Variants in ADAP1 observed in about 807,000 individuals in gnomAD.
ADAP1 encodes ArfGAP with dual PH domains 1.
ADAP1 carries 31 observed loss-of-function variants against 54.9 expected under a neutral mutation model. That is an observed-to-expected ratio of 0.56 (90% CI 0.42 to 0.76). The LOEUF (loss-of-function observed/expected upper bound fraction) is 0.76, where lower values mean the gene tolerates loss of function less well. Ranked by LOEUF, ADAP1 falls within the 30% of genes least tolerant of loss-of-function variation. The probability of loss-of-function intolerance (pLI) is 0.00; values close to 1 mark genes in which losing one functional copy is unlikely to be tolerated. For missense variants in ADAP1, 535 were observed against 512.4 expected (o/e 1.04, Z -0.42); for synonymous variants, 313 against 202.6 (o/e 1.55, Z -4.63).
Position 921,695 on chromosome 7 carries a change from C to T in ADAP1, c.306-1645G>A, listed in dbSNP as rs532876027. ...CTTTTCGGGGGACACCGTGCAGCTG[C>T]CTGAGCCGCTCCGGCTGTGTGACCA... On this transcript the variant is annotated intron_variant, in intron 3 of 10. Transcript: ENST00000265846. Among the ~76,000 whole-genome samples the T allele has an allele frequency of 6.6e-5, 10 of 152,336 alleles. No individual in the cohort carries two copies. The South Asian group carries it at 2.1e-3, about 32-fold the overall frequency.
intron 4 of ADAP1, among the ~76,000 whole-genome samples, chr7:917,858 C>T (rs1845999125): frequency 6.6e-6 from 1 of 151,998 alleles, no homozygotes; most frequent in Non-Finnish European, 1.5e-5. Flanking sequence ...GCAGCCTCCG[C>T]CTCCCAGGCT....
At chr7:915,013 C>G (rs991089177) in intron 4 of ADAP1, among the ~76,000 whole-genome samples, 6 of 71,630 alleles carry the variant, frequency 8.4e-5, no homozygotes, top group Non-Finnish European at 1.1e-4. Flanking sequence ...TCCCTGCAGC[C>G]GGGGCTCTGG....
chr7:927,662 T>C (rs1004819003), intron 2 of ADAP1: 1 of 352,492 alleles, frequency 2.8e-6, no homozygotes, highest in Non-Finnish European at 5.6e-6. Context: ...GGCTTTTCCA[T>C]AGAAAACTCA....
At chr7:927,333 G>A (rs1465754733) in intron 2 of ADAP1, 36 of 992,580 alleles carry the variant, frequency 3.6e-5, no homozygotes, top group Non-Finnish European at 4.6e-5. Flanking sequence ...GAGGGTGGAC[G>A]CTGGCAATGA....
rs1846165445 is a variant in ADAP1 at position 920,821 on chromosome 7, A to G, written c.306-771T>C. On this transcript the variant is annotated intron_variant, in intron 3 of 10. Coordinates refer to ENST00000265846, the MANE Select transcript of ADAP1 (RefSeq NM_006869.4). This position sits in a 1 kb window ranked among gnomAD's most constrained non-coding sequence, Gnocchi z 4.5. Reference sequence around the variant, plus strand: ...AATACCATTGCAGAAACCACGACCCACACACAGGCCCGGCACGGCCCAGGT... The same window carrying G: ...AATACCATTGCAGAAACCACGACCCGCACACAGGCCCGGCACGGCCCAGGT... The G allele has an allele frequency of 6.5e-7, 1 of 1,549,872 alleles. No individual in the cohort carries two copies.
rs1424713181 is a variant in ADAP1, at chr7:898,559, G to A, written c.*362C>T. On this transcript the variant is annotated 3_prime_UTR_variant, in exon 11 of 11. Coordinates refer to ENST00000265846, the MANE Select transcript of ADAP1 (RefSeq NM_006869.4). ...CCGTGCTGGCCCCAAGCAGGGCTCT[G>A]CGCTGAGGCCTGGAAGTTCCCACAG... 2 of 377,072 alleles carry A rather than the reference G, an allele frequency of 5.3e-6. No individual in the cohort carries two copies. The highest frequency in any genetic ancestry group is 4.1e-5 in the African/African-American group (2 of 48,372). The allele number at this position is 377,072 out of a possible 1,614,324, so 23.4% of individuals were successfully genotyped here.
chr7:952,114 G>A lies in ADAP1; in HGVS notation c.82+2282C>T, dbSNP rs142469103. Among the ~76,000 whole-genome samples the A allele has an allele frequency of 9.9e-5, 15 of 152,116 alleles. 1 individual carries two copies. In the East Asian group the frequency reaches 2.9e-3, roughly 30 times the overall value. ...ACGCCCCAACTCGCCCACCTGCCAG[G>A]CCTGTGATGAGAGGCTCTCTGGGTG... On this transcript the variant is annotated intron_variant, in intron 1 of 10. Transcript: ENST00000265846.
At chr7:903,919 C>T (rs1004260405) in intron 6 of ADAP1, 19 of 597,024 alleles carry the variant, frequency 3.2e-5, no homozygotes, top group Admixed American at 6.9e-5. Flanking sequence ...ACCTGTCTTC[C>T]CATGCTGCCC....
intron 8 of ADAP1, 27 bp downstream of exon 8, chr7:900,075 C>G: frequency 6.2e-7 from 1 of 1,612,552 alleles, no homozygotes; most frequent in Non-Finnish European, 8.5e-7. Flanking sequence ...CCCAGGCCAC[C>G]CCAGGCCGCA....
chr7:901,895 A>G (rs1475149235), intron 6 of ADAP1, among the ~76,000 whole-genome samples: 1 of 151,644 alleles, frequency 6.6e-6, no homozygotes, highest in Non-Finnish European at 1.5e-5. Flanking sequence ...GGTCCCCCGG[A>G]AATGCAGGGG....
rs373394777 is a variant in ADAP1, at chr7:905,015, G to T, written c.501+45C>A. 1.3e-5 allele frequency: 21 copies of T among 1,558,076 alleles called. No individual in the cohort carries two copies. In the African/African-American group the frequency reaches 2.8e-4, roughly 21 times the overall value. Reference sequence around the variant, plus strand: ...AGGCCCCAGTGTGGGAGGCCGGGATGCCGCCCTGGGACAGGCCCCCACCCC... The same window carrying T: ...AGGCCCCAGTGTGGGAGGCCGGGATTCCGCCCTGGGACAGGCCCCCACCCC... On this transcript the variant is annotated intron_variant, in intron 5 of 10. Coordinates refer to ENST00000265846, the MANE Select transcript of ADAP1 (RefSeq NM_006869.4).
At chr7:900,450 A>AGACTCAGGGCACGAG in intron 7 of ADAP1, 83 bp downstream of exon 7, 1 of 1,421,396 alleles carries the variant, frequency 7.0e-7, no homozygotes, top group Non-Finnish European at 9.6e-7. Flanking sequence ...ACATCATCCC[A>AGACTCAGGGCACGAG]GACTCAGGGC....
chr7:912,460 G>A (rs927649265), intron 4 of ADAP1, among the ~76,000 whole-genome samples: 2 of 152,156 alleles, frequency 1.3e-5, no homozygotes, highest in Non-Finnish European at 1.5e-5. Flanking sequence ...GCGTCCCCAC[G>A]CAGTGACCTT....
rs560339353 is a variant in ADAP1 at position 899,524 on chromosome 7, C to G, written c.796-34G>C. 6.2e-6 allele frequency: 10 copies of G among 1,602,336 alleles called. 1 individual carries two copies. In the South Asian group the frequency reaches 7.8e-5, roughly 13 times the overall value. On this transcript the variant is annotated intron_variant, in intron 8 of 10. Transcript: ENST00000265846. Reference sequence around the variant, plus strand: ...CAGAGAGGGCCCGTGACCGGCAGGTCGCCGAGGCAGGCCCTACATCCAGCT... The same window carrying G: ...CAGAGAGGGCCCGTGACCGGCAGGTGGCCGAGGCAGGCCCTACATCCAGCT...
At chr7:924,935 CAG>C (rs1562928602) in intron 3 of ADAP1, among the ~76,000 whole-genome samples, 1 of 151,978 alleles carries the variant, frequency 6.6e-6, no homozygotes, top group African/African-American at 2.4e-5. Context: ...TGTGAGGGCT[CAG>C]GGGGAGACAG....
At chr7:901,166 C>T (rs1844791849) in intron 6 of ADAP1, 2 of 383,732 alleles carry the variant, frequency 5.2e-6, no homozygotes, top group South Asian at 1.9e-5. Context: ...TGGGGTGGGC[C>T]AGCACCCTGG....
chr7:911,578 C>A (rs1470724936), intron 4 of ADAP1, among the ~76,000 whole-genome samples: 3 of 143,588 alleles, frequency 2.1e-5, no homozygotes, highest in African/African-American at 5.2e-5. Context: ...GGCGGGGGTC[C>A]CACGGAGGGC....
At chr7:901,707 G>A (rs906987479) in intron 6 of ADAP1, among the ~76,000 whole-genome samples, 7 of 119,334 alleles carry the variant, frequency 5.9e-5, no homozygotes, top group Middle Eastern at 4.0e-3. Context: ...CCTAGGCCAC[G>A]CCCACAAGCC....
intron 4 of ADAP1, chr7:905,718 GAAAGGGA>G (rs1845206265): frequency 4.6e-4 from 34 of 73,578 alleles, no homozygotes; most frequent in Admixed American, 8.0e-4. Context: ...GGAGAAAGGA[GAAAGGGA>G]AAGGAGAAAG....
Sources: gnomAD v4.1 joint callset for allele counts (sites outside exome capture counted in the v4.1 genomes callset) on GRCh38, gnomAD v4.1.1 for gene constraint, Gnocchi (gnomAD v3.1) non-coding constraint, MANE v1.5 for transcripts, NCBI Gene and HGNC (gene_info 2026-07-23, HGNC 2026-07-21) for gene names.